Variants in PAX7 observed in about 807,000 individuals in gnomAD.
PAX7 encodes the protein paired box 7.
A neutral mutation model predicts 50.7 loss-of-function variants in PAX7; 18 were observed. The observed-to-expected ratio is 0.36, with a 90% CI of 0.25 to 0.53. The LOEUF (loss-of-function observed/expected upper bound fraction) is 0.53, where lower values mean the gene tolerates loss of function less well. PAX7 is among the 20% of genes least tolerant of loss of function. The pLI is 0.93. For missense variants in PAX7, 644 were observed against 702.9 expected, an observed-to-expected ratio of 0.92 and a Z score of 0.95; for synonymous variants, 310 against 290.4, an observed-to-expected ratio of 1.07 and a Z score of -0.69.
intron 1 of PAX7, among the ~76,000 whole-genome samples, chr1:18,633,643 C>A (rs894964518): frequency 4.6e-5 from 7 of 152,226 alleles, no homozygotes; most frequent in African/African-American, 1.4e-4. Context: ...ACCCAAGGGA[C>A]AACCAGGTGC....
intron 8 of PAX7, among the ~76,000 whole-genome samples, chr1:18,739,902 C>G (rs996213133): frequency 6.6e-6 from 1 of 152,142 alleles, no homozygotes; most frequent in Non-Finnish European, 1.5e-5. Flanking sequence ...AATAATGGGG[C>G]TGATAGAACG....
At chr1:18,641,085 G>A (rs770047158) in intron 4 of PAX7, among the ~76,000 whole-genome samples, 1 of 152,258 alleles carries the variant, frequency 6.6e-6, no homozygotes. Context: ...GCGCTCGCGC[G>A]CTCGCAGCCC....
chr1:18,654,872 G>A (rs1416921289), intron 4 of PAX7, among the ~76,000 whole-genome samples: 1 of 152,214 alleles, frequency 6.6e-6, no homozygotes, highest in Admixed American at 6.5e-5. Flanking sequence ...GCTGAAGAAA[G>A]AGGCAAGAGG....
intron 4 of PAX7, among the ~76,000 whole-genome samples, chr1:18,673,773 A>C (rs2088786347): frequency 6.6e-6 from 1 of 152,168 alleles, no homozygotes; most frequent in Admixed American, 6.5e-5. Flanking sequence ...TGGATGAGGG[A>C]TTCCACGGGC....
At chr1:18,728,104 G>A (rs1344010016) in intron 7 of PAX7, among the ~76,000 whole-genome samples, 1 of 152,198 alleles carries the variant, frequency 6.6e-6, no homozygotes, top group Non-Finnish European at 1.5e-5. Flanking sequence ...GCCGCCAGTA[G>A]GGGCATGCGT....
chr1:18,682,188 G>A (rs1553138089), intron 4 of PAX7, among the ~76,000 whole-genome samples: 1 of 152,218 alleles, frequency 6.6e-6, no homozygotes, highest in Non-Finnish European at 1.5e-5. Context: ...AGTTGGGAGA[G>A]TGAAATTGAA....
rs939134642 is a variant in PAX7, at chr1:18,702,295, C to T, written c.953-799C>T. On this transcript the variant is annotated intron_variant, in intron 6 of 8. Transcript: ENST00000420770. ...CGGAGGTTGCACGGAGCCCAGATCGCGCCACTGCACTCCAGCCTGGGCGAC... is the reference window on the plus strand; with the variant it reads ...CGGAGGTTGCACGGAGCCCAGATCGTGCCACTGCACTCCAGCCTGGGCGAC... Among the ~76,000 whole-genome samples, 27 of 152,000 alleles carry T rather than the reference C, an allele frequency of 1.8e-4. 1 individual carries two copies. The highest frequency in any genetic ancestry group is 3.4e-4 in the Non-Finnish European group (23 of 67,994).
chr1:18,676,095 C>A (rs1158501563), intron 4 of PAX7, among the ~76,000 whole-genome samples: 1 of 152,200 alleles, frequency 6.6e-6, no homozygotes, highest in South Asian at 2.1e-4. Flanking sequence ...AAGTAACTAC[C>A]ATGGTCCAGT....
chr1:18,654,985 G>A (rs1419566756), intron 4 of PAX7, among the ~76,000 whole-genome samples: 1 of 152,152 alleles, frequency 6.6e-6, no homozygotes, highest in African/African-American at 2.4e-5. Flanking sequence ...ATCTTGCTTG[G>A]CACGTGCCTA....
chr1:18,746,934 T>C lies in PAX7; in HGVS notation c.*2005T>C, dbSNP rs1931468396. The C allele has an allele frequency of 2.2e-5, 5 of 231,638 alleles. No individual in the cohort carries two copies. The Admixed American group carries it at 2.8e-4, about 13-fold the overall frequency. The allele number at this position is 231,638 out of a possible 1,614,324, so 14.3% of individuals were successfully genotyped here. ...ACTCTTTGGTAGCAGCAGACACATG[T>C]GATCCATCAAGATCAACCAAGGTTG... On this transcript the variant is annotated 3_prime_UTR_variant, in exon 9 of 9. Coordinates refer to ENST00000420770, the MANE Select transcript of PAX7 (RefSeq NM_001135254.2).
intron 5 of PAX7, among the ~76,000 whole-genome samples, chr1:18,699,120 A>T (rs1435051481): frequency 6.6e-6 from 1 of 152,158 alleles, no homozygotes; most frequent in African/African-American, 2.4e-5. Context: ...TCACTCCTTC[A>T]TTCATTCAAC....
rs1027342030 is a variant in PAX7, at chr1:18,745,771, G to A, written c.*842G>A. ...GTCCACTCCATCTGGGGCCTGGGGA[G>A]CCCACAGAACTTTTCAGTTTCCTTC... On this transcript the variant is annotated 3_prime_UTR_variant, in exon 9 of 9. Coordinates refer to ENST00000420770, the MANE Select transcript of PAX7 (RefSeq NM_001135254.2). 4.3e-6 allele frequency: 1 copy of A among 231,912 alleles called. No individual in the cohort carries two copies. Among genetic ancestry groups the A allele is most frequent in the African/African-American group, 2.2e-5 (1 of 45,264 alleles). The allele number at this position is 231,912 out of a possible 1,614,324, so 14.4% of individuals were successfully genotyped here. A position where few individuals can be genotyped will look rare whatever the true frequency, so the allele number is the denominator to read the frequency against.
At chr1:18,676,804 G>A (rs2743215) in intron 4 of PAX7, among the ~76,000 whole-genome samples, 26,314 of 151,970 alleles carry the variant, frequency 0.17, 3,013 homozygotes, top group African/African-American at 0.33. Context: ...AGCCAGCCCC[G>A]CTGTATGCCT....
Position 18,631,245 on chromosome 1 carries a change from G to A in PAX7, c.-359G>A, listed in dbSNP as rs913777066. ...GGCCGCGTTCCCCCGGCCCCCCTCC[G>A]CCGCGGGGCCTGGTCTCCGGGTTCT... On this transcript the variant is annotated 5_prime_UTR_variant, in exon 1 of 9. Transcript: ENST00000420770. 1.7e-4 allele frequency: 42 copies of A among 249,536 alleles called. No individual in the cohort carries two copies. Among genetic ancestry groups the A allele is most frequent in the Non-Finnish European group, 2.8e-4 (36 of 129,522 alleles). The allele number at this position is 249,536 out of a possible 1,614,324, so 15.5% of individuals were successfully genotyped here. A position where few individuals can be genotyped will look rare whatever the true frequency, so the allele number is the denominator to read the frequency against.
intron 7 of PAX7, among the ~76,000 whole-genome samples, chr1:18,722,513 G>C (rs780967022): frequency 1.3e-5 from 2 of 152,066 alleles, no homozygotes; most frequent in African/African-American, 4.8e-5. Context: ...CTTTATCCTC[G>C]ATAAGTGGAT....
intron 4 of PAX7, among the ~76,000 whole-genome samples, chr1:18,658,316 G>T (rs924378529): frequency 1.3e-5 from 2 of 151,876 alleles, no homozygotes; most frequent in Non-Finnish European, 2.9e-5. Flanking sequence ...GTCTTCGAGG[G>T]ACCCCAGGGT....
chr1:18,665,582 C>T (rs895527579), intron 4 of PAX7, among the ~76,000 whole-genome samples: 4 of 151,764 alleles, frequency 2.6e-5, no homozygotes, highest in Admixed American at 2.0e-4. Flanking sequence ...ACCATGTTGG[C>T]CAGGATGGTC....
intron 7 of PAX7, among the ~76,000 whole-genome samples, chr1:18,710,420 G>A (rs919782512): frequency 2.6e-5 from 4 of 151,980 alleles, no homozygotes; most frequent in Admixed American, 1.3e-4. Flanking sequence ...CTTCATTGGC[G>A]ACACTGCGTT....
chr1:18,719,025 A>G (rs774015669), intron 7 of PAX7, among the ~76,000 whole-genome samples: 11 of 152,214 alleles, frequency 7.2e-5, no homozygotes, highest in Non-Finnish European at 7.3e-5. Flanking sequence ...TCTCAGAGCT[A>G]GAAGGCACCT....
Sources: gnomAD v4.1 joint callset for allele counts (sites outside exome capture counted in the v4.1 genomes callset) on GRCh38, gnomAD v4.1.1 for gene constraint, MANE v1.5 for transcripts, NCBI Gene and HGNC (gene_info 2026-07-23, HGNC 2026-07-21) for gene names.